The following MID2 variants were observed in gnomAD, a reference collection of about 807,000 sequenced individuals.
The protein encoded by MID2 is probable E3 ubiquitin-protein ligase MID2.
A neutral mutation model predicts 46.1 loss-of-function variants in MID2; 13 were observed. The observed-to-expected ratio is 0.28, with a 90% confidence interval of 0.18 to 0.45. The LOEUF (loss-of-function observed/expected upper bound fraction) is 0.45. Among genes scored for constraint, MID2 ranks in the 20% least tolerant of loss-of-function variants. The pLI, the probability that MID2 is intolerant of heterozygous loss-of-function variation, is 1.00. For synonymous variants in MID2, 199 were observed against 212.3 expected (o/e 0.94, Z 0.55); for missense variants, 431 against 575.4 (o/e 0.75, Z 2.57).
In MID2 at chrX:107,877,149, C is replaced by A. The variant is rs143907996; in HGVS notation, c.816+22445C>A. Reference sequence around the variant, plus strand: ...CCAATCCTACACTATCAGCAAAGGTCTGGATTACTTGCAAGGAAAAGAAAG... The same window carrying A: ...CCAATCCTACACTATCAGCAAAGGTATGGATTACTTGCAAGGAAAAGAAAG... On this transcript the variant is annotated intron_variant, in intron 3 of 9. Transcript: ENST00000262843. 2.6e-3 allele frequency among the ~76,000 whole-genome samples: 297 copies of A among 112,206 alleles called. 3 individuals are homozygous for A. Among genetic ancestry groups the A allele is most frequent in the African/African-American group, 9.3e-3 (286 of 30,907 alleles).
At chrX:107,836,382 T>C (rs1168437167) in intron 1 of MID2, among the ~76,000 whole-genome samples, 3 of 110,136 alleles carry the variant, frequency 2.7e-5, no homozygotes, top group African/African-American at 9.9e-5. Flanking sequence ...GCCTCCCGAG[T>C]AGCTGGGACT....
At chrX:107,900,629 T>G (rs746836430) in intron 3 of MID2, among the ~76,000 whole-genome samples, 1 of 111,560 alleles carries the variant, frequency 9.0e-6, no homozygotes, top group East Asian at 2.8e-4. Flanking sequence ...AAAGATACCA[T>G]ATTGCCTAAA....
intron 3 of MID2, among the ~76,000 whole-genome samples, chrX:107,871,643 A>G (rs897784507): frequency 5.4e-5 from 6 of 111,165 alleles, no homozygotes; most frequent in Non-Finnish European, 1.1e-4. Flanking sequence ...TTTATTGCCA[A>G]TGAAAGTGGC....
chrX:107,862,248 T>C (rs1931874880), intron 3 of MID2, among the ~76,000 whole-genome samples: 1 of 111,496 alleles, frequency 9.0e-6, no homozygotes, highest in Non-Finnish European at 1.9e-5. Flanking sequence ...AGTAGTAATT[T>C]TGGGCACTAC....
At chrX:107,834,340 C>G (rs1931157757) in intron 1 of MID2, among the ~76,000 whole-genome samples, 1 of 111,702 alleles carries the variant, frequency 9.0e-6, no homozygotes, top group African/African-American at 3.3e-5. Flanking sequence ...ACATTTGTTT[C>G]TTAATATGGC....
chrX:107,853,541 C>T, intron 2 of MID2, among the ~76,000 whole-genome samples: 1 of 111,331 alleles, frequency 9.0e-6, no homozygotes, highest in Middle Eastern at 4.6e-3. Flanking sequence ...CTCAAGCGAT[C>T]TGCCCACCTC....
Position 107,826,540 on chromosome X carries a change from C to T in MID2, c.4+110C>T, listed in dbSNP as rs1930951924. On this transcript the variant is annotated intron_variant, in intron 1 of 9. Coordinates refer to ENST00000262843, the MANE Select transcript of MID2 (RefSeq NM_012216.4). ...GGTGCCGCCGGGGCCCGGCGTTGGC[C>T]GAGGGCTCTCCGGCTCGGCGAGGCA... 5 of 939,654 alleles carry T rather than the reference C, an allele frequency of 5.3e-6. No homozygotes were observed. The South Asian group carries it at 1.1e-4, about 21-fold the overall frequency. The allele number at this position is 939,654 out of a possible 1,213,427, so 77.4% of individuals were successfully genotyped here. A position where few individuals can be genotyped will look rare whatever the true frequency, so the allele number is the denominator to read the frequency against.
chrX:107,845,525 A>T (rs5917074), intron 2 of MID2, among the ~76,000 whole-genome samples: 19,811 of 72,135 alleles, frequency 0.27, 3,082 homozygotes, highest in Middle Eastern at 0.38. Flanking sequence ...ACACACACAC[A>T]CTCTCTCTCT....
At chrX:107,917,428 C>T (rs768816697) in intron 6 of MID2, 78 bp from the exon 7 acceptor site, 51 of 787,399 alleles carry the variant, frequency 6.5e-5, no homozygotes, top group Middle Eastern at 3.9e-4. Flanking sequence ...TGTTGGGTTA[C>T]GCAGGAAGAG....
In MID2 at chrX:107,910,838, C is replaced by CT. The variant is rs761216078; in HGVS notation, c.1074-5164_1074-5163insT. ...CTTTCCTTTCCTTTCCTTTCCTTTC[C>CT]CTCTCTCTTTCTCCCTCTCTCTCTC... On this transcript the variant is annotated intron_variant, in intron 5 of 9. Transcript: ENST00000262843. Among the ~76,000 whole-genome samples the CT allele has an allele frequency of 5.0e-4, 21 of 42,063 alleles. 7 individuals are homozygous for CT. In the African/African-American group the frequency reaches 8.6e-3, roughly 17 times the overall value. The allele number at this position is 42,063 out of a possible 115,157, so 36.5% of individuals were successfully genotyped here. A position where few individuals can be genotyped will look rare whatever the true frequency, so the allele number is the denominator to read the frequency against.
chrX:107,919,128 G>T (rs1933023004), intron 7 of MID2, among the ~76,000 whole-genome samples: 1 of 110,636 alleles, frequency 9.0e-6, no homozygotes, highest in South Asian at 3.9e-4. Flanking sequence ...ATAATGGCCA[G>T]TGCTTCCTTA....
At chrX:107,897,162 A>G (rs776356697) in intron 3 of MID2, among the ~76,000 whole-genome samples, 1 of 111,667 alleles carries the variant, frequency 9.0e-6, no homozygotes, top group Non-Finnish European at 1.9e-5. Context: ...CTCACGTAGC[A>G]TGAGTCCCTG....
At chrX:107,892,512 G>A (rs939122527) in intron 3 of MID2, among the ~76,000 whole-genome samples, 4 of 111,804 alleles carry the variant, frequency 3.6e-5, no homozygotes, top group Non-Finnish European at 5.6e-5. Flanking sequence ...GTTTCTAACT[G>A]GTCTCTCTGG....
At chrX:107,858,304 C>G (rs1000438417) in intron 3 of MID2, among the ~76,000 whole-genome samples, 22 of 111,976 alleles carry the variant, frequency 2.0e-4, no homozygotes, top group Non-Finnish European at 4.1e-4. Flanking sequence ...TTTGACCTTG[C>G]TATGATAACC....
intron 3 of MID2, among the ~76,000 whole-genome samples, chrX:107,889,848 C>T (rs1032586530): frequency 4.5e-5 from 5 of 111,550 alleles, no homozygotes; most frequent in Non-Finnish European, 7.5e-5. Context: ...AACTTCTCTT[C>T]TCACTTCATT....
In MID2 at chrX:107,826,348, G is replaced by A; in HGVS notation, c.-79G>A. 9.1e-7 allele frequency: 1 copy of A among 1,094,231 alleles called. No homozygotes were observed. The highest frequency in any genetic ancestry group is 1.2e-6 in the Non-Finnish European group (1 of 833,219). The allele number at this position is 1,094,231 out of a possible 1,213,427, so 90.2% of individuals were successfully genotyped here. ...GGCCCGGGAGCTCGCGCCGGAGCCCGAGCCAACCCGCTGCGGAGGCAGACG... is the reference window on the plus strand; with the variant it reads ...GGCCCGGGAGCTCGCGCCGGAGCCCAAGCCAACCCGCTGCGGAGGCAGACG... On this transcript the variant is annotated 5_prime_UTR_variant, in exon 1 of 10. Coordinates refer to ENST00000262843, the MANE Select transcript of MID2 (RefSeq NM_012216.4).
intron 1 of MID2, among the ~76,000 whole-genome samples, chrX:107,836,286 C>T (rs1477199735): frequency 1.8e-5 from 2 of 110,175 alleles, no homozygotes; most frequent in East Asian, 2.8e-4. Context: ...GACGGAGCCT[C>T]GCTCTGTTGC....
chrX:107,913,753 T>G, intron 5 of MID2, among the ~76,000 whole-genome samples: 1 of 112,071 alleles, frequency 8.9e-6, no homozygotes, highest in Middle Eastern at 4.6e-3. Flanking sequence ...CAAGACACTT[T>G]AAAATCTGGT....
intron 8 of MID2, among the ~76,000 whole-genome samples, chrX:107,925,274 T>G (rs1157522203): frequency 8.9e-6 from 1 of 111,909 alleles, no homozygotes; most frequent in Non-Finnish European, 1.9e-5. Context: ...ATTTAGCTTT[T>G]CCGGCCTCTA....
Sources: gnomAD v4.1 joint callset for allele counts (sites outside exome capture counted in the v4.1 genomes callset) on GRCh38, gnomAD v4.1.1 for gene constraint, MANE v1.5 for transcripts, NCBI Gene and HGNC (gene_info 2026-07-23, HGNC 2026-07-21) for gene names.